The following DGKB variants were observed in gnomAD, a reference collection of about 807,000 sequenced individuals.
DGKB encodes the protein diacylglycerol kinase beta, also known as 90 kDa diacylglycerol kinase.
DGKB carries 67 observed loss-of-function variants against 114.3 expected under a neutral mutation model. That is an observed-to-expected ratio of 0.59 (90% CI 0.48 to 0.72). The LOEUF is 0.72. Among genes scored for constraint, DGKB ranks in the 30% least tolerant of loss-of-function variants. The pLI is 0.00. For synonymous variants in DGKB, 398 were observed against 323.1 expected (o/e 1.23, Z -2.49); for missense variants, 907 against 975.2 (o/e 0.93, Z 0.93).
At chr7:14,288,599 A>G (rs1284221308) in intron 23 of DGKB, among the ~76,000 whole-genome samples, 1 of 151,500 alleles carries the variant, frequency 6.6e-6, no homozygotes, top group Admixed American at 6.6e-5. Flanking sequence ...GTTTTTCCTG[A>G]TTTTCTTTGT....
Position 14,383,246 on chromosome 7 carries a change from T to A in DGKB, c.1836-37855A>T, listed in dbSNP as rs1161627909. Among the ~76,000 whole-genome samples the A allele has an allele frequency of 2.6e-5, 4 of 152,162 alleles. No homozygotes were observed. The East Asian group carries it at 7.7e-4, about 29-fold the overall frequency. ...AGTTCTTGTCTCTGCACACCTTTTT[T>A]AGGGGGGACTGATGCCTGGTTATAT... On this transcript the variant is annotated intron_variant, in intron 21 of 25. Coordinates refer to ENST00000402815, the MANE Select transcript of DGKB (RefSeq NM_001350709.2).
At chr7:14,869,625 C>G (rs1219218106) in intron 1 of DGKB, among the ~76,000 whole-genome samples, 3 of 152,080 alleles carry the variant, frequency 2.0e-5, no homozygotes, top group Admixed American at 6.6e-5. Flanking sequence ...GCTTTTCTGT[C>G]AGTTTATTCT....
At chr7:14,586,563 T>C (rs1800804073) in intron 17 of DGKB, among the ~76,000 whole-genome samples, 1 of 152,144 alleles carries the variant, frequency 6.6e-6, no homozygotes, top group African/African-American at 2.4e-5. Context: ...CATAGCCTTC[T>C]AATGGAAGAA....
intron 1 of DGKB, among the ~76,000 whole-genome samples, chr7:14,900,024 G>A (rs1206222177): frequency 6.6e-6 from 1 of 152,070 alleles, no homozygotes; most frequent in Non-Finnish European, 1.5e-5. Context: ...CTCCTGTGAG[G>A]GGCATATGTA....
At chr7:14,318,361 G>C (rs1039680618) in intron 23 of DGKB, among the ~76,000 whole-genome samples, 61 of 151,858 alleles carry the variant, frequency 4.0e-4, no homozygotes, top group Non-Finnish European at 1.6e-4. Context: ...CCTATAGAAT[G>C]GGAGAAAATT....
chr7:14,293,107 T>A lies in DGKB; in HGVS notation c.2122+45408A>T, dbSNP rs568047065. On this transcript the variant is annotated intron_variant, in intron 23 of 25. Transcript: ENST00000402815. ...GTATAAAAATTATATTCTTTATATT[T>A]TACTTACAGATATTGCTATTTGTTA... Among the ~76,000 whole-genome samples, 279 of 152,306 alleles carry A rather than the reference T, an allele frequency of 1.8e-3. 1 individual carries two copies. In the Middle Eastern group the frequency reaches 0.024, roughly 13 times the overall value.
In DGKB at chr7:14,298,988, A is replaced by T. The variant is rs184356639; in HGVS notation, c.2122+39527T>A. On this transcript the variant is annotated intron_variant, in intron 23 of 25. Coordinates refer to ENST00000402815, the MANE Select transcript of DGKB (RefSeq NM_001350709.2). ...TAGAGAAATGCAACTCAAAAACCAC[A>T]ATGAGATACCATCTCATACCAGTTA... is the stretch of plus-strand genomic sequence containing the variant. 3.3e-5 allele frequency among the ~76,000 whole-genome samples: 5 copies of T among 152,340 alleles called. No individual in the cohort carries two copies. In the East Asian group the frequency reaches 9.7e-4, roughly 29 times the overall value.
chr7:14,890,575 A>G (rs1333734052), intron 1 of DGKB, among the ~76,000 whole-genome samples: 1 of 151,496 alleles, frequency 6.6e-6, no homozygotes, highest in Non-Finnish European at 1.5e-5. Context: ...GCATTTCTCC[A>G]CACTTCATAT....
intron 1 of DGKB, among the ~76,000 whole-genome samples, chr7:14,967,172 C>T (rs749031197): frequency 1.1e-4 from 17 of 152,040 alleles, no homozygotes; most frequent in African/African-American, 2.2e-4. Flanking sequence ...ACTTGAAAGA[C>T]GGAAAATTTT....
intron 23 of DGKB, among the ~76,000 whole-genome samples, chr7:14,212,575 T>G (rs1788295836): frequency 6.6e-6 from 1 of 152,066 alleles, no homozygotes; most frequent in African/African-American, 2.4e-5. Flanking sequence ...TACTTTTTCC[T>G]TAGAAATTCT....
chr7:14,841,353 G>C lies in DGKB; in HGVS notation c.-90C>G. On this transcript the variant is annotated 5_prime_UTR_variant, in exon 2 of 26. Coordinates refer to ENST00000402815, the MANE Select transcript of DGKB (RefSeq NM_001350709.2). ...GTCTATGCTTCAAAGATTCCACATG[G>C]CATGTTTCATGATAAAATACCTCAG... 1 of 1,107,132 alleles carries C rather than the reference G, an allele frequency of 9.0e-7. No individual in the cohort carries two copies. 68.6% of individuals were successfully genotyped at this position (1,107,132 alleles called of 1,614,324 possible). A position where few individuals can be genotyped will look rare whatever the true frequency, so the allele number is the denominator to read the frequency against.
chr7:14,619,801 C>G (rs1461084953), intron 15 of DGKB, among the ~76,000 whole-genome samples: 2 of 151,532 alleles, frequency 1.3e-5, no homozygotes, highest in Non-Finnish European at 3.0e-5. Flanking sequence ...GTATTGATCT[C>G]ATATGTTTAT....
intron 20 of DGKB, among the ~76,000 whole-genome samples, chr7:14,522,416 T>G (rs1789937347): frequency 6.6e-6 from 1 of 152,124 alleles, no homozygotes; most frequent in African/African-American, 2.4e-5. Context: ...GTCAAATCCT[T>G]GGCTAGTCCA....
intron 1 of DGKB, among the ~76,000 whole-genome samples, chr7:14,887,925 T>C (rs1780570069): frequency 2.0e-5 from 3 of 151,750 alleles, no homozygotes; most frequent in Admixed American, 1.3e-4. Flanking sequence ...GTCGCTACAC[T>C]GAAAACTCAA....
At chr7:14,587,524 G>A (rs958214775) in intron 17 of DGKB, among the ~76,000 whole-genome samples, 1 of 152,130 alleles carries the variant, frequency 6.6e-6, no homozygotes, top group African/African-American at 2.4e-5. Flanking sequence ...TGAGAAGACT[G>A]ACTCAAATTC....
chr7:14,475,290 G>A (rs545372102), intron 21 of DGKB, among the ~76,000 whole-genome samples: 20 of 152,180 alleles, frequency 1.3e-4, no homozygotes, highest in African/African-American at 4.3e-4. Flanking sequence ...TGAGCCTGTC[G>A]CAATGTTGAA....
At chr7:14,177,065 C>A (rs975892171) in intron 24 of DGKB, among the ~76,000 whole-genome samples, 166 bp from the exon 25 acceptor site, 1 of 152,058 alleles carries the variant, frequency 6.6e-6, no homozygotes, top group Non-Finnish European at 1.5e-5. Context: ...AATAAATACC[C>A]TGAAAAGTAC....
chr7:14,669,428 A>T (rs1170422306), intron 13 of DGKB, among the ~76,000 whole-genome samples: 1 of 152,152 alleles, frequency 6.6e-6, no homozygotes, highest in Non-Finnish European at 1.5e-5. Flanking sequence ...CTACTGCCTC[A>T]GAATCTGTTG....
At position 14,359,300 on chromosome 7, in the gene DGKB, C is replaced by T. The variant is rs190032862; in HGVS notation, c.1836-13909G>A. On this transcript the variant is annotated intron_variant, in intron 21 of 25. Coordinates refer to ENST00000402815, the MANE Select transcript of DGKB (RefSeq NM_001350709.2). ...CGGAAACTGGATCCCTTCCTTACAC[C>T]TTATACAAAAATTAATTCAAGATGG... Among the ~76,000 whole-genome samples the T allele has an allele frequency of 7.9e-3, 1,196 of 152,172 alleles. 20 individuals carry two copies. Among genetic ancestry groups the T allele is most frequent in the African/African-American group, 0.028 (1,159 of 41,506 alleles).
Sources: allele counts gnomAD v4.1 joint callset (sites outside exome capture counted in the v4.1 genomes callset), GRCh38; gene constraint gnomAD v4.1.1; transcripts MANE v1.5; gene names NCBI Gene and HGNC (gene_info 2026-07-23, HGNC 2026-07-21).